Variants in U2AF2 observed in about 807,000 individuals in gnomAD.
U2AF2 encodes the protein splicing factor U2AF 65 kDa subunit.
A neutral mutation model predicts 52.6 loss-of-function variants in U2AF2; 6 were observed. That is an observed-to-expected ratio of 0.11 (90% CI 0.06 to 0.23). The LOEUF is 0.23. U2AF2 is among the 10% of genes least tolerant of loss of function. The pLI is 1.00. For synonymous variants in U2AF2, 284 were observed against 258.2 expected (o/e 1.10, Z -0.96); for missense variants, 222 against 677.1 (o/e 0.33, Z 7.46).
chr19:55,670,145 T>TCCCCGTAGCCCCTGAGCCCC (rs1158048972), intron 11 of U2AF2, among the ~76,000 whole-genome samples: 1 of 151,916 alleles, frequency 6.6e-6, no homozygotes, highest in Non-Finnish European at 1.5e-5. Flanking sequence ...CCCTGAGCCC[T>TCCCCGTAGCCCCTGAGCCCC]CCCCGTAGCC....
chr19:55,660,918 G>A, intron 4 of U2AF2, 120 bp from the exon 5 acceptor site: 1 of 1,461,906 alleles, frequency 6.8e-7, no homozygotes, highest in Non-Finnish European at 9.1e-7. Flanking sequence ...TCTGGAAGGT[G>A]CTAAGACCGA....
rs548959004 is a variant in U2AF2, at chr19:55,659,283, C to T, written c.123C>T (p.Ser41=). ...RSRSRDRKRR[S]RSRDRRNRDQ... is the part of the protein sequence containing the mutation. ...GGAGCCGGGACCGCAAACGCCGGAGCCGGAGCCGCGACCGGCGCAACCGGG... is the reference window on the plus strand; with the variant it reads ...GGAGCCGGGACCGCAAACGCCGGAGTCGGAGCCGCGACCGGCGCAACCGGG... Residue 41 remains serine, a synonymous_variant, in exon 2 of 12, where the codon AGC becomes AGT. Coordinates refer to ENST00000308924, the MANE Select transcript of U2AF2 (RefSeq NM_007279.3). 34 of 1,601,478 alleles carry T rather than the reference C, an allele frequency of 2.1e-5. No homozygotes were observed. In the South Asian group the frequency reaches 3.6e-4, roughly 17 times the overall value.
At chr19:55,657,455 C>G (rs921829001) in intron 1 of U2AF2, among the ~76,000 whole-genome samples, 1 of 152,194 alleles carries the variant, frequency 6.6e-6, no homozygotes, top group African/African-American at 2.4e-5. Flanking sequence ...ATTTCCTTGT[C>G]TATATCCCAG....
intron 5 of U2AF2, 123 bp downstream of exon 5, chr19:55,661,312 C>G (rs975666779): frequency 8.8e-7 from 1 of 1,137,676 alleles, no homozygotes; most frequent in African/African-American, 1.6e-5. Flanking sequence ...CCCCCGGCCC[C>G]CTCCCAGACG....
chr19:55,666,678 C>T (rs1353566532), intron 7 of U2AF2, among the ~76,000 whole-genome samples: 2 of 152,200 alleles, frequency 1.3e-5, no homozygotes, highest in Non-Finnish European at 2.9e-5. Flanking sequence ...ACACTGAGGC[C>T]CTTGGAGGCT....
At chr19:55,659,428 CTG>C (rs1984014915) in intron 2 of U2AF2, 83 bp downstream of exon 2, 3 of 1,383,484 alleles carry the variant, frequency 2.2e-6, no homozygotes, top group Non-Finnish European at 2.8e-6. Flanking sequence ...CTGTGTGTGT[CTG>C]TGTCTGGGTC....
chr19:55,668,981 C>A lies in U2AF2; in HGVS notation c.946-102C>A, dbSNP rs1984713262. 1.3e-6 allele frequency: 2 copies of A among 1,497,122 alleles called. No homozygotes were observed. Among genetic ancestry groups the A allele is most frequent in the Admixed American group, 1.9e-5 (1 of 51,286 alleles). The allele number at this position is 1,497,122 out of a possible 1,614,324, so 92.7% of individuals were successfully genotyped here. ...GGCTCTTAATCCCCTTTGCCTTCCC[C>A]TCTTCCCCCACCAATGCCCCGGCTT... On this transcript the variant is annotated intron_variant, in intron 9 of 11. Coordinates refer to ENST00000308924, the MANE Select transcript of U2AF2 (RefSeq NM_007279.3). This position sits in a 1 kb window ranked among gnomAD's most constrained non-coding sequence, Gnocchi z 5.5.
Position 55,669,554 on chromosome 19 carries a change from G to T in U2AF2, c.1155G>T (p.Leu385=). The T allele has an allele frequency of 6.2e-7, 1 of 1,613,904 alleles. No individual in the cohort carries two copies. The highest frequency in any genetic ancestry group is 8.5e-7 in the Non-Finnish European group (1 of 1,179,880). The change falls in exon 11 of 12, where the codon CTG becomes CTT. Residue 385 remains leucine (L), a synonymous_variant. Transcript: ENST00000308924. ...TEVLCLMNMV[L]PEELLDDEEY... ...TCCTGTGCCTCATGAACATGGTGCTGCCTGAGGAGCTGCTGGACGACGAGG... is the reference window on the plus strand; with the variant it reads ...TCCTGTGCCTCATGAACATGGTGCTTCCTGAGGAGCTGCTGGACGACGAGG...
chr19:55,661,639 C>G (rs1322527349), intron 5 of U2AF2: 6 of 161,048 alleles, frequency 3.7e-5, no homozygotes, highest in Admixed American at 3.3e-4. Flanking sequence ...GGTCGCTGTT[C>G]TTTTATTTTT....
chr19:55,669,298 A>G lies in U2AF2; in HGVS notation c.1044+117A>G, dbSNP rs537927117. The G allele has an allele frequency of 4.2e-3, 6,447 of 1,551,228 alleles. 24 individuals are homozygous for G. Among genetic ancestry groups the G allele is most frequent in the Non-Finnish European group, 4.7e-3 (5,387 of 1,145,780 alleles). ...ATGGGAAGGCATTTGGGGGGCATTC[A>G]GTGCAGTGTTGGGGAGTCGGGCTTT... On this transcript the variant is annotated intron_variant, in intron 10 of 11. Transcript: ENST00000308924.
At chr19:55,660,123 G>A in intron 2 of U2AF2, 54 bp from the exon 3 acceptor site, 1 of 1,559,222 alleles carries the variant, frequency 6.4e-7, no homozygotes, top group Non-Finnish European at 8.8e-7. Flanking sequence ...GGCATGTGGG[G>A]AAGACGAGGG....
In U2AF2 at chr19:55,660,196, G is replaced by T; in HGVS notation, c.205G>T (p.Ala69Ser). Residue 69 changes from alanine (A) to serine (S), a missense_variant, in exon 3 of 12, where the codon GCT becomes TCT. Ala to Ser is a moderately conservative substitution (Grantham distance 99, BLOSUM62 1). Coordinates refer to ENST00000308924, the MANE Select transcript of U2AF2 (RefSeq NM_007279.3). The stretch of plus-strand genomic sequence containing the variant: ...CCCCAGCAAACCTTTGACCAGAGGC[G>T]CTAAAGAGGAGCACGGTGGACTGAT... ...RRRSKPLTRG[A>S]KEEHGGLIRS... The T allele has an allele frequency of 6.2e-7, 1 of 1,606,290 alleles. No homozygotes were observed.
Position 55,662,472 on chromosome 19 carries a change from C to A in U2AF2, c.487-30C>A, listed in dbSNP as rs749987412. The A allele has an allele frequency of 1.7e-5, 21 of 1,267,356 alleles. 1 individual carries two copies. Among genetic ancestry groups the A allele is most frequent in the East Asian group, 2.6e-5 (1 of 38,704 alleles). 78.5% of individuals were successfully genotyped at this position (1,267,356 alleles called of 1,614,324 possible). On this transcript the variant is annotated intron_variant, in intron 5 of 11. Coordinates refer to ENST00000308924, the MANE Select transcript of U2AF2 (RefSeq NM_007279.3). ...CCTCTCTCCACCTCCCTTCCCCCGC[C>A]CCCCCCCTTGTCTCCTATTCCCTCT...
At chr19:55,658,072 G>C (rs62129562) in intron 1 of U2AF2, among the ~76,000 whole-genome samples, 1 of 152,030 alleles carries the variant, frequency 6.6e-6, no homozygotes, top group Non-Finnish European at 1.5e-5. Flanking sequence ...ACATTGCATC[G>C]CAAAAACGTG....
intron 10 of U2AF2, 94 bp downstream of exon 10, chr19:55,669,275 G>A: frequency 1.3e-6 from 2 of 1,561,040 alleles, no homozygotes; most frequent in Admixed American, 3.6e-5. Flanking sequence ...CAGCTTTCAT[G>A]GGAAGGCATT....
chr19:55,665,083 A>C (rs1277362395), intron 7 of U2AF2, among the ~76,000 whole-genome samples: 1 of 152,184 alleles, frequency 6.6e-6, no homozygotes, highest in Non-Finnish European at 1.5e-5. Flanking sequence ...ATATATGTTG[A>C]CATGCTCCCA....
chr19:55,667,531 C>T (rs1369544294), intron 7 of U2AF2, among the ~76,000 whole-genome samples: 3 of 152,264 alleles, frequency 2.0e-5, no homozygotes, highest in Non-Finnish European at 4.4e-5. Flanking sequence ...GTGGATAGGG[C>T]AGGATCGAGG....
At chr19:55,665,679 T>TG (rs1286329759) in intron 7 of U2AF2, among the ~76,000 whole-genome samples, 1 of 152,146 alleles carries the variant, frequency 6.6e-6, no homozygotes, top group Non-Finnish European at 1.5e-5. Flanking sequence ...GACGGAGTCT[T>TG]GCTGTGTTGC....
chr19:55,655,911 A>G (rs1396890695), intron 1 of U2AF2, among the ~76,000 whole-genome samples: 1 of 152,200 alleles, frequency 6.6e-6, no homozygotes, highest in Non-Finnish European at 1.5e-5. Context: ...GTTTGAGACA[A>G]ACCTCAAATC....
Sources: gnomAD v4.1 joint callset for allele counts (sites outside exome capture counted in the v4.1 genomes callset) on GRCh38, gnomAD v4.1.1 for gene constraint, Gnocchi (gnomAD v3.1) non-coding constraint, MANE v1.5 for transcripts, NCBI Gene and HGNC (gene_info 2026-07-23, HGNC 2026-07-21) for gene names.